Variants in JPT1 observed in about 807,000 individuals in gnomAD.
JPT1 encodes the protein androgen-regulated protein 2.
A neutral mutation model predicts 17.0 loss-of-function variants in JPT1; 5 were observed. The observed-to-expected ratio is 0.29, with a 90% CI of 0.15 to 0.62. JPT1 has a LOEUF of 0.62. JPT1 is among the 20% of genes least tolerant of loss of function. The pLI, the probability that JPT1 is intolerant of heterozygous loss-of-function variation, is 0.85. For missense variants in JPT1, 158 were observed against 188.1 expected (o/e 0.84, Z 0.94); for synonymous variants, 71 against 73.6 (o/e 0.96, Z 0.18).
At chr17:75,138,735 A>G (rs2145160875) in intron 4 of JPT1, among the ~76,000 whole-genome samples, 1 of 152,128 alleles carries the variant, frequency 6.6e-6, no homozygotes, top group Admixed American at 6.6e-5. Flanking sequence ...ACTTACTCTC[A>G]ATTCATGTAC....
At chr17:75,137,364 TG>T (rs2074219020) in intron 4 of JPT1, among the ~76,000 whole-genome samples, 1 of 151,894 alleles carries the variant, frequency 6.6e-6, no homozygotes, top group Non-Finnish European at 1.5e-5. Flanking sequence ...GGGTGGCAGG[TG>T]GAGGATATTG....
chr17:75,148,380 G>A (rs1568035499), intron 2 of JPT1, 149 bp downstream of exon 2: 1 of 899,920 alleles, frequency 1.1e-6, no homozygotes. Flanking sequence ...GAGTATCAGG[G>A]ACTAAATGCA....
chr17:75,142,627 G>GAGGCA, intron 4 of JPT1: 1 of 253,404 alleles, frequency 3.9e-6, no homozygotes, highest in Non-Finnish European at 7.4e-6. Context: ...GGAGGGGAGG[G>GAGGCA]AGGGGAGGGA....
At position 75,154,471 on chromosome 17, in the gene JPT1, C is replaced by T. The variant is rs1442648713; in HGVS notation, c.-74G>A. 2.9e-6 allele frequency: 4 copies of T among 1,402,960 alleles called. No individual in the cohort carries two copies. The highest frequency in any genetic ancestry group is 3.9e-6 in the Non-Finnish European group (4 of 1,032,064). 86.9% of individuals were successfully genotyped at this position (1,402,960 alleles called of 1,614,324 possible). A position where few individuals can be genotyped will look rare whatever the true frequency, so the allele number is the denominator to read the frequency against. ...GTCGGACCCGAGGGGCGCTGGGAAA[C>T]TCCACACCCAACAGCCGACCACCGC... On this transcript the variant is annotated 5_prime_UTR_variant, in exon 1 of 5. Coordinates refer to ENST00000409753, the MANE Select transcript of JPT1 (RefSeq NM_016185.4).
chr17:75,143,866 CG>C (rs2074373687), intron 4 of JPT1, among the ~76,000 whole-genome samples: 1 of 151,350 alleles, frequency 6.6e-6, no homozygotes, highest in Non-Finnish European at 1.5e-5. Flanking sequence ...ATCTCCATCT[CG>C]AGAAAAAAAA....
rs1433449478 is a variant in JPT1, at chr17:75,135,863, A to G, written c.*239T>C. The G allele has an allele frequency of 9.3e-6, 7 of 750,254 alleles. No homozygotes were observed. Among genetic ancestry groups the G allele is most frequent in the Non-Finnish European group, 1.5e-5 (7 of 466,606 alleles). 46.5% of individuals were successfully genotyped at this position (750,254 alleles called of 1,614,324 possible). A position where few individuals can be genotyped will look rare whatever the true frequency, so the allele number is the denominator to read the frequency against. ...ATTTCTTCTTAAAAACACAGTACTA[A>G]GTGTCACAAAGCTTTCCCTCCAATC... On this transcript the variant is annotated 3_prime_UTR_variant, in exon 5 of 5. Transcript: ENST00000409753.
At chr17:75,148,466 G>C in intron 2 of JPT1, 63 bp downstream of exon 2, 2 of 1,574,528 alleles carry the variant, frequency 1.3e-6, no homozygotes. Context: ...TGCCCAAGCT[G>C]CATCTGTGGC....
intron 4 of JPT1, chr17:75,145,119 C>T (rs2074398689): frequency 2.1e-5 from 3 of 143,982 alleles, no homozygotes; most frequent in Admixed American, 1.4e-4. Context: ...AGCTGAGATC[C>T]TGCCACTGCA....
intron 1 of JPT1, 146 bp from the exon 2 acceptor site, chr17:75,148,817 C>A (rs1421696187): frequency 9.0e-6 from 9 of 1,004,948 alleles, no homozygotes; most frequent in Non-Finnish European, 1.3e-5. Context: ...AAAAAAGAAT[C>A]AACTCCATCA....
At position 75,135,797 on chromosome 17, in the gene JPT1, C is replaced by A; in HGVS notation, c.*305G>T. 1 of 541,788 alleles carries A rather than the reference C, an allele frequency of 1.8e-6. No homozygotes were observed. The highest frequency in any genetic ancestry group is 3.2e-6 in the Non-Finnish European group (1 of 308,442). 33.6% of individuals were successfully genotyped at this position (541,788 alleles called of 1,614,324 possible). A position where few individuals can be genotyped will look rare whatever the true frequency, so the allele number is the denominator to read the frequency against. On this transcript the variant is annotated 3_prime_UTR_variant, in exon 5 of 5. Coordinates refer to ENST00000409753, the MANE Select transcript of JPT1 (RefSeq NM_016185.4). ...GTAAACCCAAGTAAAGTGTTAAAAA[C>A]CTCAGTACAAAAGATCCTCTAACAC...
chr17:75,144,316 T>C (rs185559894), intron 4 of JPT1, among the ~76,000 whole-genome samples: 89 of 151,928 alleles, frequency 5.9e-4, no homozygotes, highest in Middle Eastern at 3.4e-3. Flanking sequence ...GACTGGCCTG[T>C]GTAACATAAC....
At chr17:75,138,354 A>C (rs1273000049) in intron 4 of JPT1, 11 of 151,930 alleles carry the variant, frequency 7.2e-5, no homozygotes, top group Non-Finnish European at 1.5e-5. Flanking sequence ...ATTTCATAGA[A>C]TCCCTTTTGC....
intron 1 of JPT1, 147 bp from the exon 2 acceptor site, chr17:75,148,818 A>T: frequency 9.9e-7 from 1 of 1,007,412 alleles, no homozygotes; most frequent in South Asian, 1.7e-5. Flanking sequence ...AAAAAGAATC[A>T]ACTCCATCAG....
rs770998162 is a variant in JPT1 at position 75,136,069 on chromosome 17, C to A, written c.*33G>T. On this transcript the variant is annotated 3_prime_UTR_variant, in exon 5 of 5. Coordinates refer to ENST00000409753, the MANE Select transcript of JPT1 (RefSeq NM_016185.4). Reference sequence around the variant, plus strand: ...GTGCAGTTCACAAGCATGGAGGAAACAGACAGAACGACAGCGTTCAGGACA... The same window carrying A: ...GTGCAGTTCACAAGCATGGAGGAAAAAGACAGAACGACAGCGTTCAGGACA... 3.7e-6 allele frequency: 6 copies of A among 1,613,812 alleles called. No homozygotes were observed. Among genetic ancestry groups the A allele is most frequent in the Non-Finnish European group, 5.1e-6 (6 of 1,179,886 alleles).
At chr17:75,137,885 T>C (rs992557589) in intron 4 of JPT1, among the ~76,000 whole-genome samples, 4 of 151,966 alleles carry the variant, frequency 2.6e-5, no homozygotes, top group African/African-American at 9.7e-5. Context: ...TGGCCTCAAG[T>C]GAGCCACCTA....
At chr17:75,146,970 A>T (rs781708458) in intron 3 of JPT1, among the ~76,000 whole-genome samples, 73 of 152,324 alleles carry the variant, frequency 4.8e-4, no homozygotes, top group Non-Finnish European at 9.3e-4. Flanking sequence ...TTTTATTAGA[A>T]TGGAAAACTG....
intron 1 of JPT1, among the ~76,000 whole-genome samples, chr17:75,150,187 A>G (rs1260853308): frequency 2.0e-5 from 3 of 152,010 alleles, no homozygotes; most frequent in African/African-American, 4.8e-5. Flanking sequence ...GAAAAACTCA[A>G]TTTAACTCCT....
In JPT1 at chr17:75,148,402, C is replaced by A. The variant is rs113620284; in HGVS notation, c.199+127G>T. 6.0e-3 allele frequency: 6,780 copies of A among 1,129,262 alleles called. 273 individuals are homozygous for A. In the African/African-American group the frequency reaches 0.09, roughly 15 times the overall value. 70.0% of individuals were successfully genotyped at this position (1,129,262 alleles called of 1,614,324 possible). On this transcript the variant is annotated intron_variant, in intron 2 of 4. Transcript: ENST00000409753. ...AGGGACTAAATGCACACTGCCACTA[C>A]CACCAGCTAATTTTTGTTTTGTTTT...
chr17:75,149,687 A>T (rs180910436), intron 1 of JPT1, among the ~76,000 whole-genome samples: 40 of 152,250 alleles, frequency 2.6e-4, no homozygotes, highest in African/African-American at 7.2e-4. Flanking sequence ...AATAAATTTT[A>T]AAAAATCACT....
Sources: allele counts gnomAD v4.1 joint callset (sites outside exome capture counted in the v4.1 genomes callset), GRCh38; gene constraint gnomAD v4.1.1; transcripts MANE v1.5; gene names NCBI Gene and HGNC (gene_info 2026-07-23, HGNC 2026-07-21).